The following HDHD5 variants were observed in gnomAD, a reference collection of about 807,000 sequenced individuals.
HDHD5 encodes the protein haloacid dehalogenase-like hydrolase domain-containing 5.
Under a neutral mutation model 35.5 loss-of-function variants are expected in HDHD5, and 34 were observed. The ratio of observed to expected loss-of-function variants is 0.96; its 90% CI spans 0.73 to 1.28. The LOEUF is 1.28. Ranked by LOEUF, HDHD5 falls within the 50% of genes most tolerant of loss-of-function variation. The pLI is 0.00. For missense variants in HDHD5, 589 were observed against 560.2 expected (o/e 1.05, Z -0.52); for synonymous variants, 248 against 240.6 (o/e 1.03, Z -0.29).
chr22:17,159,848 A>C (rs1235126408), upstream of HDHD5: 1 of 253,906 alleles, frequency 3.9e-6, no homozygotes, highest in Non-Finnish European at 7.8e-6. Flanking sequence ...GTACAAAATG[A>C]CTACTCCAGA....
chr22:17,157,277 T>C (rs1392505795), intron 1 of HDHD5, among the ~76,000 whole-genome samples: 1 of 150,926 alleles, frequency 6.6e-6, no homozygotes, highest in Non-Finnish European at 1.5e-5. Flanking sequence ...TTTTCTTTTT[T>C]TTTTTTTTTG....
At chr22:17,148,360 C>A (rs1179280870) in intron 3 of HDHD5, 88 bp downstream of exon 3, 26 of 1,069,292 alleles carry the variant, frequency 2.4e-5, no homozygotes, top group Non-Finnish European at 3.7e-5. Context: ...GCACCCAGCA[C>A]TCCTCACTAC....
intron 6 of HDHD5, among the ~76,000 whole-genome samples, chr22:17,139,168 T>C (rs1433503884): frequency 6.6e-6 from 1 of 152,246 alleles, no homozygotes; most frequent in East Asian, 1.9e-4. Flanking sequence ...GGCGTGGCCA[T>C]GTGACTAAGC....
rs763137033 is a variant in HDHD5, at chr22:17,149,697, G to A, written c.175C>T (p.Arg59Trp). The A allele has an allele frequency of 5.6e-6, 9 of 1,614,028 alleles. No individual in the cohort carries two copies. Among genetic ancestry groups the A allele is most frequent in the South Asian group, 2.2e-5 (2 of 91,076 alleles). ...FLLDIDGVLVRGHRVIPAALK... is the reference protein window; with the variant it reads ...FLLDIDGVLVWGHRVIPAALK... ...GCAGCAGGGATCACTCTGTGGCCCC[G>A]CACAAGCACTCCATCGATGTCCAAC... Residue 59 changes from arginine (R) to tryptophan (W), a missense_variant, in exon 2 of 8, where the codon CGG becomes TGG. Coordinates refer to ENST00000336737, the MANE Select transcript of HDHD5 (RefSeq NM_033070.3).
At position 17,147,821 on chromosome 22, in the gene HDHD5, G is replaced by T. The variant is rs138281617; in HGVS notation, c.443+627C>A. Among the ~76,000 whole-genome samples the T allele has an allele frequency of 2.6e-3, 399 of 152,206 alleles. 2 individuals are homozygous for T. Among genetic ancestry groups the T allele is most frequent in the African/African-American group, 9.1e-3 (378 of 41,522 alleles). ...TGAGCTTACCGGCCTTCGATCACAC[G>T]CCATCGCACACGCTCCTTTACTGCT... On this transcript the variant is annotated intron_variant, in intron 3 of 7. Transcript: ENST00000336737.
At chr22:17,152,639 A>C (rs1449064922) in intron 1 of HDHD5, among the ~76,000 whole-genome samples, 1 of 152,036 alleles carries the variant, frequency 6.6e-6, no homozygotes, top group African/African-American at 2.4e-5. Context: ...TGGAGATGAA[A>C]ATTTTGGAAG....
At chr22:17,156,808 G>A (rs545352597) in intron 1 of HDHD5, among the ~76,000 whole-genome samples, 10 of 148,342 alleles carry the variant, frequency 6.7e-5, no homozygotes, top group East Asian at 2.1e-4. Context: ...GGCTGGGCAC[G>A]GTGGCTCATG....
Position 17,145,084 on chromosome 22 carries a change from C to T in HDHD5, c.477G>A (p.Glu159=). Residue 159 remains glutamate, a synonymous_variant, in exon 4 of 8, where the codon GAG becomes GAA. Transcript: ENST00000336737. ...LGFRNVVTVD[E]LRMAFPLLDM... The stretch of plus-strand genomic sequence containing the variant: ...CAAGCAGAGGAAAGGCCATCCGCAG[C>T]TCATCCACGGTGACGACATTTCGGA... 1.2e-6 allele frequency: 2 copies of T among 1,614,036 alleles called. No individual in the cohort carries two copies. The highest frequency in any genetic ancestry group is 1.7e-6 in the Non-Finnish European group (2 of 1,180,020).
chr22:17,163,743 G>A (rs2061876524), upstream of HDHD5, among the ~76,000 whole-genome samples: 2 of 152,168 alleles, frequency 1.3e-5, no homozygotes, highest in Admixed American at 1.3e-4. Context: ...AATCCGAGGT[G>A]AGCCAGTTCT....
At chr22:17,164,290 T>G (rs1421115546) in intron 1 of HDHD5, among the ~76,000 whole-genome samples, 1 of 151,200 alleles carries the variant, frequency 6.6e-6, no homozygotes, top group African/African-American at 2.4e-5. Flanking sequence ...TCCACAAACT[T>G]GCACAAATGT....
rs770804657 is a variant in HDHD5 at position 17,138,684 on chromosome 22, C to T, written c.801G>A (p.Thr267=). 8.7e-6 allele frequency: 14 copies of T among 1,614,242 alleles called. No individual in the cohort carries two copies. The highest frequency in any genetic ancestry group is 6.6e-5 in the South Asian group (6 of 91,084). The part of the protein sequence containing the change: ...LCLETIYQKV[T]GKELRYEGLM... ...GGCCCTCGTATCTCAGCTCCTTGCC[C>T]GTCACTTTCTGGTAAATGGTTTCCA... is the stretch of plus-strand genomic sequence containing the variant. Residue 267 remains threonine (T), a synonymous_variant, in exon 7 of 8, where the codon ACG becomes ACA. Transcript: ENST00000336737.
Position 17,138,168 on chromosome 22 carries a change from C to G in HDHD5, c.1125G>C (p.Glu375Asp), listed in dbSNP as rs758233988. 1.2e-6 allele frequency: 2 copies of G among 1,614,090 alleles called. No homozygotes were observed. The highest frequency in any genetic ancestry group is 4.5e-5 in the East Asian group (2 of 44,894). Residue 375 changes from glutamate to aspartate, a missense_variant, in exon 8 of 8, where the codon GAG becomes GAC. Glu to Asp is a conservative substitution (Grantham distance 45). Coordinates refer to ENST00000336737, the MANE Select transcript of HDHD5 (RefSeq NM_033070.3). ...VYNPRNPQSTEPVLGGGEPPF... is the reference protein window; with the variant it reads ...VYNPRNPQSTDPVLGGGEPPF... ...GAGGCTCCCCTCCTCCAAGGACAGG[C>G]TCCGTGGACTGTGGGTTCCTGGGAT...
intron 1 of HDHD5, among the ~76,000 whole-genome samples, chr22:17,157,114 A>ACAC (rs1555881519): frequency 6.7e-6 from 1 of 148,212 alleles, no homozygotes; most frequent in Non-Finnish European, 1.5e-5. Context: ...ACACACACAC[A>ACAC]AAAGAAAAAA....
chr22:17,158,225 A>G (rs1224625890), intron 1 of HDHD5, among the ~76,000 whole-genome samples: 1 of 152,052 alleles, frequency 6.6e-6, no homozygotes, highest in Non-Finnish European at 1.5e-5. Flanking sequence ...GGAGGCTGAG[A>G]CAGAAGAATC....
At chr22:17,152,413 C>T (rs1025491710) in intron 1 of HDHD5, among the ~76,000 whole-genome samples, 16 of 152,062 alleles carry the variant, frequency 1.1e-4, no homozygotes, top group African/African-American at 3.9e-4. Flanking sequence ...ACTTGGTAAC[C>T]ATCCAGATAC....
chr22:17,139,121 G>T (rs1418730653), intron 6 of HDHD5, among the ~76,000 whole-genome samples: 1 of 152,180 alleles, frequency 6.6e-6, no homozygotes, highest in African/African-American at 2.4e-5. Flanking sequence ...TTGCCACTAG[G>T]TGTGAAAAAG....
intron 6 of HDHD5, among the ~76,000 whole-genome samples, chr22:17,140,152 T>G (rs2061583646): frequency 6.6e-6 from 1 of 152,198 alleles, no homozygotes; most frequent in Admixed American, 6.5e-5. Context: ...GCCCACCCTC[T>G]GCTGACGAGC....
At position 17,148,579 on chromosome 22, in the gene HDHD5, C is replaced by T. The variant is rs753976612; in HGVS notation, c.331-19G>A. On this transcript the variant is annotated intron_variant, in intron 2 of 7. Coordinates refer to ENST00000336737, the MANE Select transcript of HDHD5 (RefSeq NM_033070.3). ...CATCCACCTGTAGGGACAGCCAAGA[C>T]AGGGGAGGGCAGAGGAAGACAGAAC... 1 of 1,558,984 alleles carries T rather than the reference C, an allele frequency of 6.4e-7. No homozygotes were observed. Among genetic ancestry groups the T allele is most frequent in the Admixed American group, 1.7e-5 (1 of 59,940 alleles).
intron 1 of HDHD5, chr22:17,158,585 T>A (rs958648197): frequency 2.0e-5 from 3 of 152,212 alleles, no homozygotes; most frequent in Non-Finnish European, 4.4e-5. Context: ...GGCTCACACA[T>A]CACTACCGCG....
Sources: gnomAD v4.1 joint callset for allele counts (sites outside exome capture counted in the v4.1 genomes callset) on GRCh38, gnomAD v4.1.1 for gene constraint, MANE v1.5 for transcripts, NCBI Gene and HGNC (gene_info 2026-07-23, HGNC 2026-07-21) for gene names.